FOXD3: variants seen among roughly 807,000 people sequenced by gnomAD.
FOXD3 encodes the protein forkhead box D3.
Under a neutral mutation model 3.6 loss-of-function variants are expected in FOXD3, and 3 were observed. The ratio of observed to expected loss-of-function variants is 0.84; its 90% CI spans 0.38 to 2.18. The LOEUF (loss-of-function observed/expected upper bound fraction) is 2.18, where lower values mean the gene tolerates loss of function less well. Among genes scored for constraint, FOXD3 ranks in the 30% most tolerant of loss-of-function variants. The pLI, the probability that FOXD3 is intolerant of heterozygous loss-of-function variation, is 0.06. For synonymous variants in FOXD3, 391 were observed against 360.9 expected (o/e 1.08, Z -0.94); for missense variants, 686 against 731.6 (o/e 0.94, Z 0.72).
Position 63,324,889 on chromosome 1 carries a change from ATTCCGTAGATT to A in FOXD3, c.*396_*406del, listed in dbSNP as rs1647064483. On this transcript the variant is annotated 3_prime_UTR_variant, in exon 1 of 1. Coordinates refer to ENST00000371116, the MANE Select transcript of FOXD3 (RefSeq NM_012183.3). This position sits in a 1 kb window ranked among gnomAD's most constrained non-coding sequence, Gnocchi z 4.1. Reference sequence around the variant, plus strand: ...TTTTTATTTTTTTAAGAAAAAACAAATTCCGTAGATTTAGAGCTCTGAACTTTCATTTTTTT... The same window carrying A: ...TTTTTATTTTTTTAAGAAAAAACAAATAGAGCTCTGAACTTTCATTTTTTT... 5.2e-6 allele frequency: 1 copy of A among 193,608 alleles called. No homozygotes were observed. The highest frequency in any genetic ancestry group is 1.4e-4 in the South Asian group (1 of 6,942). The allele number at this position is 193,608 out of a possible 1,614,324, so 12.0% of individuals were successfully genotyped here.
Position 63,323,160 on chromosome 1 carries a change from G to T in FOXD3, c.102G>T (p.Gly34=). 3 of 1,568,890 alleles carry T rather than the reference G, an allele frequency of 1.9e-6. No homozygotes were observed. Among genetic ancestry groups the T allele is most frequent in the Non-Finnish European group, 2.6e-6 (3 of 1,159,588 alleles). Residue 34 remains glycine, a synonymous_variant, in exon 1 of 1, where the codon GGG becomes GGT. Coordinates refer to ENST00000371116, the MANE Select transcript of FOXD3 (RefSeq NM_012183.3). This position sits in a 1 kb window ranked among gnomAD's most constrained non-coding sequence, Gnocchi z 6.8. ...ATGTGGTGGGCGAGGGCGACGACGG[G>T]CTGGAAGAGAAGGACAGCGACGCAG... ...DIDVVGEGDD[G]LEEKDSDAGC...
Position 63,322,639 on chromosome 1 carries a change from TCCCTGCC to T in FOXD3, c.-418_-412del, listed in dbSNP as rs1395454193. ...CCAGCCCCCTGCCCCCCCGCTACTG[TCCCTGCC>T]CGCGCCCTCCCGAGCTGCTCGGCGC... On this transcript the variant is annotated 5_prime_UTR_variant, in exon 1 of 1. Transcript: ENST00000371116. 119 of 953,592 alleles carry T rather than the reference TCCCTGCC, an allele frequency of 1.2e-4. 1 individual carries two copies. In the African/African-American group the frequency reaches 2.0e-3, roughly 16 times the overall value. The allele number at this position is 953,592 out of a possible 1,614,324, so 59.1% of individuals were successfully genotyped here.
chr1:63,324,331 T>C lies in FOXD3; in HGVS notation c.1273T>C (p.Ser425Pro), dbSNP rs1422300869. 1.3e-6 allele frequency: 2 copies of C among 1,581,788 alleles called. No individual in the cohort carries two copies. The highest frequency in any genetic ancestry group is 8.5e-7 in the Non-Finnish European group (1 of 1,172,790). The change falls in exon 1 of 1, where the codon TCG becomes CCG. Residue 425 changes from serine to proline, a missense_variant. Around this residue, in one of 3 missense-constraint regions of FOXD3, gnomAD observed 370 missense variants for 372.3 expected, o/e 0.99. Coordinates refer to ENST00000371116, the MANE Select transcript of FOXD3 (RefSeq NM_012183.3). This position sits in a 1 kb window ranked among gnomAD's most constrained non-coding sequence, Gnocchi z 4.1. The stretch of plus-strand genomic sequence containing the variant: ...TCTGCGGCCACCCGGGACCGTGCAG[T>C]CGGCAGCGCTCATGGCCACCCACCA... ...SFLRPPGTVQ[S>P]AALMATHQPL...
chr1:63,322,986 C>T lies in FOXD3; in HGVS notation c.-73C>T. Reference sequence around the variant, plus strand: ...GGCACTCAAACCCTCTTCCCCTGAGCTCCGTGGCAGCCCCCGAACACCCTC... The same window carrying T: ...GGCACTCAAACCCTCTTCCCCTGAGTTCCGTGGCAGCCCCCGAACACCCTC... On this transcript the variant is annotated 5_prime_UTR_variant, in exon 1 of 1. Transcript: ENST00000371116. 2.0e-6 allele frequency: 3 copies of T among 1,484,576 alleles called. No homozygotes were observed. Among genetic ancestry groups the T allele is most frequent in the South Asian group, 1.3e-5 (1 of 77,840 alleles). The allele number at this position is 1,484,576 out of a possible 1,614,324, so 92.0% of individuals were successfully genotyped here.
At position 63,322,645 on chromosome 1, in the gene FOXD3, C is replaced by A. The variant is rs1267919723; in HGVS notation, c.-414C>A. 4 of 956,828 alleles carry A rather than the reference C, an allele frequency of 4.2e-6. No individual in the cohort carries two copies. The highest frequency in any genetic ancestry group is 1.8e-5 in the African/African-American group (1 of 56,430). 59.3% of individuals were successfully genotyped at this position (956,828 alleles called of 1,614,324 possible). ...CCCTGCCCCCCCGCTACTGTCCCTGCCCGCGCCCTCCCGAGCTGCTCGGCG... is the reference window on the plus strand; with the variant it reads ...CCCTGCCCCCCCGCTACTGTCCCTGACCGCGCCCTCCCGAGCTGCTCGGCG... On this transcript the variant is annotated 5_prime_UTR_variant, in exon 1 of 1. Coordinates refer to ENST00000371116, the MANE Select transcript of FOXD3 (RefSeq NM_012183.3).
Position 63,322,624 on chromosome 1 carries a change from G to C in FOXD3, c.-435G>C, listed in dbSNP as rs1302081512. The stretch of plus-strand genomic sequence containing the variant: ...CGGCGTCCCTGACACCCAGCCCCCT[G>C]CCCCCCCGCTACTGTCCCTGCCCGC... On this transcript the variant is annotated 5_prime_UTR_variant, in exon 1 of 1. Coordinates refer to ENST00000371116, the MANE Select transcript of FOXD3 (RefSeq NM_012183.3). 1 of 948,264 alleles carries C rather than the reference G, an allele frequency of 1.1e-6. No homozygotes were observed. The highest frequency in any genetic ancestry group is 1.3e-6 in the Non-Finnish European group (1 of 796,172). 58.7% of individuals were successfully genotyped at this position (948,264 alleles called of 1,614,324 possible).
Position 63,323,967 on chromosome 1 carries a change from C to T in FOXD3, c.909C>T (p.Tyr303=). The T allele has an allele frequency of 7.9e-7, 1 of 1,267,486 alleles. No homozygotes were observed. The highest frequency in any genetic ancestry group is 9.9e-7 in the Non-Finnish European group (1 of 1,012,188). The allele number at this position is 1,267,486 out of a possible 1,614,324, so 78.5% of individuals were successfully genotyped here. A position where few individuals can be genotyped will look rare whatever the true frequency, so the allele number is the denominator to read the frequency against. ...CGGCTGCTGCGGCGGCGCTCCAGTA[C>T]CCGTACGCGCTGCCGCCGGTGGCAC... ...AAAAAAAALQ[Y]PYALPPVAPV... Residue 303 remains tyrosine, a synonymous_variant, in exon 1 of 1, where the codon TAC becomes TAT. Coordinates refer to ENST00000371116, the MANE Select transcript of FOXD3 (RefSeq NM_012183.3). This position sits in a 1 kb window ranked among gnomAD's most constrained non-coding sequence, Gnocchi z 6.8.
chr1:63,323,536 A>G lies in FOXD3; in HGVS notation c.478A>G (p.Lys160Glu). Residue 160 changes from lysine (K) to glutamate (E), a missense_variant, in exon 1 of 1, where the codon AAG becomes GAG. By Grantham distance (56) the Lys-to-Glu change is moderately conservative. Around this residue, in one of 3 missense-constraint regions of FOXD3, gnomAD observed 84 missense variants for 145.2 expected, o/e 0.58. Transcript: ENST00000371116. The surrounding 1 kb of genome is among the most constrained non-coding windows in gnomAD (Gnocchi z 6.8). Reference protein sequence around the residue: ...ITMAILQSPQKKLTLSGICEF... With the variant: ...ITMAILQSPQEKLTLSGICEF... Reference sequence around the variant, plus strand: ...CATGGCCATCCTGCAGAGCCCGCAGAAGAAGCTGACCCTGAGCGGCATCTG... The same window carrying G: ...CATGGCCATCCTGCAGAGCCCGCAGGAGAAGCTGACCCTGAGCGGCATCTG... The G allele has an allele frequency of 6.2e-7, 1 of 1,614,124 alleles. No individual in the cohort carries two copies. The highest frequency in any genetic ancestry group is 1.3e-5 in the African/African-American group (1 of 75,064).
Position 63,324,502 on chromosome 1 carries a change from G to A in FOXD3, c.*7G>A. ...CAAATGGCCGGCGCAATAGGGACGC[G>A]CCAATGGCCGGGACCCAGGGTCCGG... On this transcript the variant is annotated 3_prime_UTR_variant, in exon 1 of 1. Coordinates refer to ENST00000371116, the MANE Select transcript of FOXD3 (RefSeq NM_012183.3). This position sits in a 1 kb window ranked among gnomAD's most constrained non-coding sequence, Gnocchi z 4.1. 2 of 1,530,668 alleles carry A rather than the reference G, an allele frequency of 1.3e-6. No homozygotes were observed. Among genetic ancestry groups the A allele is most frequent in the South Asian group, 2.4e-5 (2 of 83,168 alleles). The allele number at this position is 1,530,668 out of a possible 1,614,324, so 94.8% of individuals were successfully genotyped here. A position where few individuals can be genotyped will look rare whatever the true frequency, so the allele number is the denominator to read the frequency against.
rs1308026626 is a variant in FOXD3, at chr1:63,322,652, CCTCCCGA to C, written c.-406_-400del. On this transcript the variant is annotated 5_prime_UTR_variant, in exon 1 of 1. Coordinates refer to ENST00000371116, the MANE Select transcript of FOXD3 (RefSeq NM_012183.3). ...CCCCCGCTACTGTCCCTGCCCGCGC[CCTCCCGA>C]GCTGCTCGGCGCCCGGCGTCCCGCG... 118 of 962,662 alleles carry C rather than the reference CCTCCCGA, an allele frequency of 1.2e-4. 1 individual carries two copies. The African/African-American group carries it at 2.0e-3, about 16-fold the overall frequency. 59.6% of individuals were successfully genotyped at this position (962,662 alleles called of 1,614,324 possible).
rs1647059493 is a variant in FOXD3, at chr1:63,324,418, G to A, written c.1360G>A (p.Gly454Arg). The change falls in exon 1 of 1, where the codon GGA becomes AGA. Residue 454 changes from glycine (G) to arginine (R), a missense_variant. This residue lies in a region of FOXD3 where 370 missense variants were observed against 372.3 expected (regional missense o/e 0.99). Coordinates refer to ENST00000371116, the MANE Select transcript of FOXD3 (RefSeq NM_012183.3). This position sits in a 1 kb window ranked among gnomAD's most constrained non-coding sequence, Gnocchi z 4.1. Reference protein sequence around the residue: ...IAPILSVPLSGQFLQPAASAA... With the variant: ...IAPILSVPLSRQFLQPAASAA... The stretch of plus-strand genomic sequence containing the variant: ...GCCCATTCTTAGCGTGCCACTCTCC[G>A]GACAGTTTCTGCAGCCCGCAGCCTC... 2 of 1,577,400 alleles carry A rather than the reference G, an allele frequency of 1.3e-6. No homozygotes were observed. The highest frequency in any genetic ancestry group is 8.5e-7 in the Non-Finnish European group (1 of 1,170,978).
At position 63,324,729 on chromosome 1, in the gene FOXD3, C is replaced by G. The variant is rs962519466; in HGVS notation, c.*234C>G. 1.8e-6 allele frequency: 1 copy of G among 562,632 alleles called. No individual in the cohort carries two copies. Among genetic ancestry groups the G allele is most frequent in the Non-Finnish European group, 3.2e-6 (1 of 314,952 alleles). 34.9% of individuals were successfully genotyped at this position (562,632 alleles called of 1,614,324 possible). A position where few individuals can be genotyped will look rare whatever the true frequency, so the allele number is the denominator to read the frequency against. On this transcript the variant is annotated 3_prime_UTR_variant, in exon 1 of 1. Coordinates refer to ENST00000371116, the MANE Select transcript of FOXD3 (RefSeq NM_012183.3). The surrounding 1 kb of genome is among the most constrained non-coding windows in gnomAD (Gnocchi z 4.1). ...CTCACCGCGCGCCCGCCGGGGATAG[C>G]TTTCCATACAGGTAAAACCGAAAAC...
rs766878197 is a variant in FOXD3 at position 63,324,436 on chromosome 1, G to T, written c.1378G>T (p.Ala460Ser). 1.3e-6 allele frequency: 2 copies of T among 1,552,602 alleles called. No homozygotes were observed. Among genetic ancestry groups the T allele is most frequent in the Non-Finnish European group, 8.6e-7 (1 of 1,157,984 alleles). The change falls in exon 1 of 1, where the codon GCA (alanine) becomes TCA (serine). Residue 460 changes from alanine (A) to serine (S), a missense_variant. Around this residue, in one of 3 missense-constraint regions of FOXD3, gnomAD observed 370 missense variants for 372.3 expected, o/e 0.99. Transcript: ENST00000371116. The surrounding 1 kb of genome is among the most constrained non-coding windows in gnomAD (Gnocchi z 4.1). ...ACTCTCCGGACAGTTTCTGCAGCCC[G>T]CAGCCTCGGCCGCCGCCGCTGCTGC... ...VPLSGQFLQPAASAAAAAAAA... is the reference protein window; with the variant it reads ...VPLSGQFLQPSASAAAAAAAA...
chr1:63,323,369 G>T lies in FOXD3; in HGVS notation c.311G>T (p.Cys104Phe). The part of the protein sequence containing the change: ...GDVGAPEADG[C>F]KGGVGGEEGG... ...GTGGGCGCGCCGGAGGCGGACGGCTGCAAGGGCGGTGTTGGCGGCGAGGAG... is the reference window on the plus strand; with the variant it reads ...GTGGGCGCGCCGGAGGCGGACGGCTTCAAGGGCGGTGTTGGCGGCGAGGAG... The change falls in exon 1 of 1, where the codon TGC (cysteine) becomes TTC (phenylalanine). Residue 104 changes from cysteine to phenylalanine, a missense_variant. Cys to Phe is a radical substitution (Grantham distance 205, BLOSUM62 -2). Around this residue, in one of 3 missense-constraint regions of FOXD3, gnomAD observed 232 missense variants for 214.0 expected, o/e 1.08. Coordinates refer to ENST00000371116, the MANE Select transcript of FOXD3 (RefSeq NM_012183.3). This position sits in a 1 kb window ranked among gnomAD's most constrained non-coding sequence, Gnocchi z 6.8. 7.3e-7 allele frequency: 1 copy of T among 1,370,554 alleles called. No homozygotes were observed. The highest frequency in any genetic ancestry group is 1.5e-5 in the African/African-American group (1 of 65,174). The allele number at this position is 1,370,554 out of a possible 1,614,324, so 84.9% of individuals were successfully genotyped here.
chr1:63,324,049 G>A lies in FOXD3; in HGVS notation c.991G>A (p.Ala331Thr). The A allele has an allele frequency of 1.4e-6, 2 of 1,385,164 alleles. No homozygotes were observed. Among genetic ancestry groups the A allele is most frequent in the Non-Finnish European group, 1.9e-6 (2 of 1,077,304 alleles). The allele number at this position is 1,385,164 out of a possible 1,614,324, so 85.8% of individuals were successfully genotyped here. A position where few individuals can be genotyped will look rare whatever the true frequency, so the allele number is the denominator to read the frequency against. Residue 331 changes from alanine to threonine, a missense_variant, in exon 1 of 1, where the codon GCC (alanine) becomes ACC (threonine). Physicochemically the swap from Ala to Thr is moderately conservative, Grantham distance 58. This residue lies in a region of FOXD3 where 370 missense variants were observed against 372.3 expected (regional missense o/e 0.99). Coordinates refer to ENST00000371116, the MANE Select transcript of FOXD3 (RefSeq NM_012183.3). The surrounding 1 kb of genome is among the most constrained non-coding windows in gnomAD (Gnocchi z 4.1). ...CTCGGGCGAGCTGGGCCGCAAAGCG[G>A]CCGCCTTCGGCTCACAGCTCGGCCC... The part of the protein sequence containing the change: ...LPSGELGRKA[A>T]AFGSQLGPGL...
Position 63,324,284 on chromosome 1 carries a change from G to GC in FOXD3, c.1227dup (p.Gly410ArgfsTer40). The GC allele has an allele frequency of 1.3e-6, 2 of 1,521,938 alleles. No homozygotes were observed. Among genetic ancestry groups the GC allele is most frequent in the Non-Finnish European group, 1.7e-6 (2 of 1,143,180 alleles). 94.3% of individuals were successfully genotyped at this position (1,521,938 alleles called of 1,614,324 possible). A position where few individuals can be genotyped will look rare whatever the true frequency, so the allele number is the denominator to read the frequency against. On this transcript the variant is annotated frameshift_variant, in exon 1 of 1. Transcript: ENST00000371116. LOFTEE classifies it high-confidence loss of function. This position sits in a 1 kb window ranked among gnomAD's most constrained non-coding sequence, Gnocchi z 4.1. ...GCCGGCGGCACTGGGGGTTCAGGGG[G>GC]CGGCAGCACGGCGCAGTCGTTTCTG...
chr1:63,323,340 C>A lies in FOXD3; in HGVS notation c.282C>A (p.Gly94=). Reference sequence around the variant, plus strand: ...CCGGAGCCGGGGCCGGACCGGGGGGCGACGTGGGCGCGCCGGAGGCGGACG... The same window carrying A: ...CCGGAGCCGGGGCCGGACCGGGGGGAGACGTGGGCGCGCCGGAGGCGGACG... ...EAAGAGAGPG[G]DVGAPEADGC... is the part of the protein sequence containing the mutation. Residue 94 remains glycine (G), a synonymous_variant, in exon 1 of 1, where the codon GGC becomes GGA. Coordinates refer to ENST00000371116, the MANE Select transcript of FOXD3 (RefSeq NM_012183.3). This position sits in a 1 kb window ranked among gnomAD's most constrained non-coding sequence, Gnocchi z 6.8. 1.5e-6 allele frequency: 2 copies of A among 1,345,502 alleles called. No individual in the cohort carries two copies. Among genetic ancestry groups the A allele is most frequent in the Non-Finnish European group, 1.9e-6 (2 of 1,050,110 alleles). 83.3% of individuals were successfully genotyped at this position (1,345,502 alleles called of 1,614,324 possible).
Position 63,323,900 on chromosome 1 carries a change from C to T in FOXD3, c.842C>T (p.Ala281Val), listed in dbSNP as rs773073356. ...CGCCCCTACGGCCTGCACCCTGCGGCGGCGGCCGGTGCCTATTCGCACCCG... is the reference window on the plus strand; with the variant it reads ...CGCCCCTACGGCCTGCACCCTGCGGTGGCGGCCGGTGCCTATTCGCACCCG... Reference protein sequence around the residue: ...YGRPYGLHPAAAAGAYSHPAA... With the variant: ...YGRPYGLHPAVAAGAYSHPAA... Residue 281 changes from alanine to valine, a missense_variant, in exon 1 of 1, where the codon GCG becomes GTG. Around this residue, in one of 3 missense-constraint regions of FOXD3, gnomAD observed 370 missense variants for 372.3 expected, o/e 0.99. Transcript: ENST00000371116. The surrounding 1 kb of genome is among the most constrained non-coding windows in gnomAD (Gnocchi z 6.8). 1.3e-4 allele frequency: 174 copies of T among 1,361,348 alleles called. No individual in the cohort carries two copies. The highest frequency in any genetic ancestry group is 1.4e-4 in the Non-Finnish European group (150 of 1,064,752). 84.3% of individuals were successfully genotyped at this position (1,361,348 alleles called of 1,614,324 possible). A position where few individuals can be genotyped will look rare whatever the true frequency, so the allele number is the denominator to read the frequency against.
rs2100337833 is a variant in FOXD3 at position 63,322,717 on chromosome 1, G to C, written c.-342G>C. On this transcript the variant is annotated 5_prime_UTR_variant, in exon 1 of 1. Coordinates refer to ENST00000371116, the MANE Select transcript of FOXD3 (RefSeq NM_012183.3). Reference sequence around the variant, plus strand: ...GGACCGCTCCTGCGCCCCACGCCAGGGCCAGAGGCCGAGGAAGGCGGGCTA... The same window carrying C: ...GGACCGCTCCTGCGCCCCACGCCAGCGCCAGAGGCCGAGGAAGGCGGGCTA... The C allele has an allele frequency of 1.0e-6, 1 of 984,770 alleles. No individual in the cohort carries two copies. Among genetic ancestry groups the C allele is most frequent in the Admixed American group, 6.1e-5 (1 of 16,290 alleles). 61.0% of individuals were successfully genotyped at this position (984,770 alleles called of 1,614,324 possible).
Sources: gnomAD v4.1 joint callset for allele counts on GRCh38, gnomAD v4.1.1 for gene constraint, gnomAD v4.1.1 regional missense constraint, Gnocchi (gnomAD v3.1) non-coding constraint, MANE v1.5 for transcripts, NCBI Gene and HGNC (gene_info 2026-07-23, HGNC 2026-07-21) for gene names.